RPH3AL: variants seen among roughly 807,000 people sequenced by gnomAD.
The protein encoded by RPH3AL is rab effector Noc2.
Under a neutral mutation model 43.1 loss-of-function variants are expected in RPH3AL, and 38 were observed. The observed-to-expected ratio is 0.88, with a 90% CI of 0.68 to 1.15. The LOEUF (loss-of-function observed/expected upper bound fraction) is 1.15. Among genes scored for constraint, RPH3AL ranks in the 50% most tolerant of loss-of-function variants. The probability of loss-of-function intolerance (pLI) is 0.00; values close to 1 mark genes in which losing one functional copy is unlikely to be tolerated. For synonymous variants in RPH3AL, 189 were observed against 176.3 expected (o/e 1.07, Z -0.57); for missense variants, 462 against 423.2 (o/e 1.09, Z -0.81).
At chr17:250,461 C>T (rs1217214169) in intron 6 of RPH3AL, among the ~76,000 whole-genome samples, 4 of 149,384 alleles carry the variant, frequency 2.7e-5, no homozygotes, top group Non-Finnish European at 4.4e-5. Context: ...CTCTTAGAGC[C>T]TAAGTGCCAT....
chr17:253,252 A>C (rs570913623), intron 6 of RPH3AL, among the ~76,000 whole-genome samples: 9 of 152,264 alleles, frequency 5.9e-5, no homozygotes, highest in Middle Eastern at 3.4e-3. Flanking sequence ...CCTCACGCCC[A>C]GCCAGTCAAG....
intron 7 of RPH3AL, among the ~76,000 whole-genome samples, chr17:243,217 T>C (rs1318619320): frequency 6.8e-6 from 1 of 146,470 alleles, no homozygotes; most frequent in Non-Finnish European, 1.5e-5. Flanking sequence ...TTGACTACCT[T>C]CCTCTATTGA....
chr17:252,930 C>T (rs782739930), intron 6 of RPH3AL, among the ~76,000 whole-genome samples: 3 of 152,138 alleles, frequency 2.0e-5, no homozygotes, highest in Non-Finnish European at 2.9e-5. Context: ...TTCCACAGAG[C>T]GGGACTGCAG....
chr17:293,658 C>T (rs968965194), intron 5 of RPH3AL, among the ~76,000 whole-genome samples: 6 of 152,120 alleles, frequency 3.9e-5, no homozygotes, highest in Non-Finnish European at 7.4e-5. Context: ...GATGGGAGCA[C>T]GGTGCACTCA....
chr17:330,418 C>G (rs1333555129), intron 2 of RPH3AL, among the ~76,000 whole-genome samples: 2 of 152,246 alleles, frequency 1.3e-5, no homozygotes, highest in African/African-American at 4.8e-5. Flanking sequence ...CAAGGAAAGA[C>G]AGGTCAAAAA....
chr17:269,274 A>C (rs892510689), intron 6 of RPH3AL, among the ~76,000 whole-genome samples: 1 of 151,620 alleles, frequency 6.6e-6, no homozygotes, highest in East Asian at 1.9e-4. Flanking sequence ...AGCCTCCCAG[A>C]GTGCTGGGTG....
chr17:314,196 G>C (rs895288168), intron 5 of RPH3AL, among the ~76,000 whole-genome samples: 2 of 152,086 alleles, frequency 1.3e-5, no homozygotes, highest in Admixed American at 6.5e-5. Context: ...AGGGGAAGTG[G>C]GCCAGGATCT....
chr17:315,820 A>C (rs1455914827), intron 5 of RPH3AL, among the ~76,000 whole-genome samples: 1 of 146,452 alleles, frequency 6.8e-6, no homozygotes, highest in African/African-American at 2.6e-5. Flanking sequence ...ACCTCCATTG[A>C]CCTGTAGTCC....
intron 1 of RPH3AL, among the ~76,000 whole-genome samples, chr17:351,057 C>T (rs2045344341): frequency 6.6e-6 from 1 of 152,176 alleles, no homozygotes. Flanking sequence ...TGTACAACTT[C>T]TGAACTGTAC....
intron 1 of RPH3AL, among the ~76,000 whole-genome samples, chr17:347,627 A>T (rs1191155233): frequency 6.6e-6 from 1 of 152,150 alleles, no homozygotes. Context: ...GTTTGTTACA[A>T]AGTTGACTAT....
intron 6 of RPH3AL, among the ~76,000 whole-genome samples, chr17:280,000 G>A (rs2042740502): frequency 1.3e-5 from 2 of 152,228 alleles, no homozygotes; most frequent in African/African-American, 4.8e-5. Flanking sequence ...AGCACACACT[G>A]TGAGGCCCTG....
chr17:225,119 A>G lies in RPH3AL; in HGVS notation c.614-5383T>C, dbSNP rs2041079187. Among the ~76,000 whole-genome samples, 1 of 150,700 alleles carries G rather than the reference A, an allele frequency of 6.6e-6. No individual in the cohort carries two copies. Among genetic ancestry groups the G allele is most frequent in the East Asian group, 1.9e-4 (1 of 5,146 alleles). On this transcript the variant is annotated intron_variant, in intron 7 of 9. Coordinates refer to ENST00000331302, the MANE Select transcript of RPH3AL (RefSeq NM_006987.4). The surrounding 1 kb of genome is among the most constrained non-coding windows in gnomAD (Gnocchi z 4.4). The stretch of plus-strand genomic sequence containing the variant: ...CCTAGAACTTAAAATATAATGGAAA[A>G]AAAAAAAAAAAGAGTGATGAGCATG...
At chr17:285,062 G>T (rs1231372462) in intron 5 of RPH3AL, among the ~76,000 whole-genome samples, 1 of 152,170 alleles carries the variant, frequency 6.6e-6, no homozygotes, top group East Asian at 1.9e-4. Context: ...TAGGTATTTT[G>T]GGGTGATATA....
At chr17:350,236 T>C (rs1053746177) in intron 1 of RPH3AL, among the ~76,000 whole-genome samples, 11 of 152,120 alleles carry the variant, frequency 7.2e-5, no homozygotes, top group African/African-American at 2.7e-4. Context: ...CCTGTAATCC[T>C]AGCACTTTGG....
intron 7 of RPH3AL, among the ~76,000 whole-genome samples, chr17:226,272 G>C (rs1422236777): frequency 6.6e-6 from 1 of 151,898 alleles, no homozygotes; most frequent in Non-Finnish European, 1.5e-5. Flanking sequence ...GCTCACACAG[G>C]TGACACAGCA....
intron 5 of RPH3AL, among the ~76,000 whole-genome samples, chr17:314,453 C>A (rs58272096): frequency 1.3e-4 from 17 of 132,980 alleles, no homozygotes; most frequent in African/African-American, 5.4e-4. Flanking sequence ...CCTCCATTGA[C>A]CTGTAGTCTC....
intron 5 of RPH3AL, among the ~76,000 whole-genome samples, chr17:316,768 A>C (rs200950133): frequency 7.8e-4 from 52 of 66,504 alleles, no homozygotes; most frequent in East Asian, 1.0e-3. Context: ...CATTGACCTG[A>C]AGTCCCTGTG....
At chr17:324,733 A>ATCTATC (rs1567524496) in intron 3 of RPH3AL, among the ~76,000 whole-genome samples, 3 of 150,674 alleles carry the variant, frequency 2.0e-5, no homozygotes, top group South Asian at 2.1e-4. Flanking sequence ...CTATCTATCT[A>ATCTATC]TGTCTATTTT....
chr17:242,384 AC>A (rs1555537416), intron 7 of RPH3AL, among the ~76,000 whole-genome samples: 7 of 6,810 alleles, frequency 1.0e-3, no homozygotes, highest in African/African-American at 2.2e-3. Context: ...TCCTCTATTG[AC>A]TACCTTCCTC....
Sources: allele counts gnomAD v4.1 joint callset (sites outside exome capture counted in the v4.1 genomes callset), GRCh38; gene constraint gnomAD v4.1.1; non-coding constraint Gnocchi (gnomAD v3.1); transcripts MANE v1.5; gene names NCBI Gene and HGNC (gene_info 2026-07-23, HGNC 2026-07-21).